The following TDRD15 variants were observed in gnomAD, a reference collection of about 807,000 sequenced individuals.
TDRD15 encodes the protein tudor domain-containing protein 15.
For synonymous variants in TDRD15, 503 were observed against 314.5 expected, an observed-to-expected ratio of 1.60 and a Z score of -6.34; for missense variants, 1,416 against 904.7, an observed-to-expected ratio of 1.57 and a Z score of -7.25.
chr2:21,134,963 G>A (rs1377537484), intron 3 of TDRD15, 116 bp downstream of exon 3: 1 of 148,180 alleles, frequency 6.7e-6, no homozygotes, highest in Non-Finnish European at 1.5e-5. Flanking sequence ...TGTTCATTGT[G>A]TAAAATAATT....
At chr2:21,145,928 A>G (rs1186288392), downstream of TDRD15, among the ~76,000 whole-genome samples, 3 of 151,956 alleles carry the variant, frequency 2.0e-5, no homozygotes, top group Non-Finnish European at 4.4e-5. Context: ...TTGGCTTTGC[A>G]TTGGAATTAA....
Position 21,142,240 on chromosome 2 carries a change from G to T in TDRD15, c.4773G>T (p.Trp1591Cys), listed in dbSNP as rs1665950250. ...CAAAATCTAAAAATACCTTGAAATG[G>T]CATCGATCAAAAGTAGAAGAAAAGT... ...CLAKSKNTLK[W>C]HRSKVEEKYV... The change falls in exon 4 of 4, where the codon TGG (tryptophan) becomes TGT (cysteine). Residue 1591 changes from tryptophan (W) to cysteine (C), a missense_variant. Coordinates refer to ENST00000405799, the MANE Select transcript of TDRD15 (RefSeq NM_001306137.2). 1 of 697,858 alleles carries T rather than the reference G, an allele frequency of 1.4e-6. No individual in the cohort carries two copies. Among genetic ancestry groups the T allele is most frequent in the Non-Finnish European group, 2.6e-6 (1 of 379,366 alleles). 43.2% of individuals were successfully genotyped at this position (697,858 alleles called of 1,614,324 possible). A position where few individuals can be genotyped will look rare whatever the true frequency, so the allele number is the denominator to read the frequency against.
Position 21,141,871 on chromosome 2 carries a change from A to G in TDRD15, c.4404A>G (p.Lys1468=), listed in dbSNP as rs1004702077. The G allele has an allele frequency of 1.4e-6, 1 of 715,420 alleles. No homozygotes were observed. Among genetic ancestry groups the G allele is most frequent in the Non-Finnish European group, 2.6e-6 (1 of 383,680 alleles). 44.3% of individuals were successfully genotyped at this position (715,420 alleles called of 1,614,324 possible). The stretch of plus-strand genomic sequence containing the variant: ...AATGTGTCATTAATGAACTACTGAA[A>G]TGGAAAGCATGTTCAAAACTGCAGA... ...DEKCVINELL[K]WKACSKLQKS... Residue 1468 remains lysine (K), a synonymous_variant, in exon 4 of 4, where the codon AAA becomes AAG. Coordinates refer to ENST00000405799, the MANE Select transcript of TDRD15 (RefSeq NM_001306137.2).
chr2:21,129,861 G>A (rs537898537), intron 2 of TDRD15, among the ~76,000 whole-genome samples: 6 of 152,308 alleles, frequency 3.9e-5, no homozygotes, highest in Middle Eastern at 3.4e-3. Flanking sequence ...ATTTCTTACA[G>A]TTATGGAGAC....
rs1665979899 is a variant in TDRD15, at chr2:21,143,506, A to C, written c.*234A>C. 6.6e-6 allele frequency among the ~76,000 whole-genome samples: 1 copy of C among 151,594 alleles called. No homozygotes were observed. Among genetic ancestry groups the C allele is most frequent in the Admixed American group, 6.6e-5 (1 of 15,178 alleles). On this transcript the variant is annotated 3_prime_UTR_variant, in exon 4 of 4. Transcript: ENST00000405799. Reference sequence around the variant, plus strand: ...TTTCCAGAGTACCATTTTGTTTGATACATGTACAACAGCTTCATTTTGGGA... The same window carrying C: ...TTTCCAGAGTACCATTTTGTTTGATCCATGTACAACAGCTTCATTTTGGGA...
At chr2:21,146,949 A>C (rs1339163839), downstream of TDRD15, among the ~76,000 whole-genome samples, 3 of 152,094 alleles carry the variant, frequency 2.0e-5, no homozygotes, top group African/African-American at 7.2e-5. Flanking sequence ...TGATAAAACC[A>C]TGGGTAAGCT....
Position 21,139,264 on chromosome 2 carries a change from A to G in TDRD15, c.1797A>G (p.Ala599=). The G allele has an allele frequency of 2.8e-6, 2 of 714,750 alleles. No homozygotes were observed. The highest frequency in any genetic ancestry group is 5.2e-6 in the Non-Finnish European group (2 of 383,920). 44.3% of individuals were successfully genotyped at this position (714,750 alleles called of 1,614,324 possible). A position where few individuals can be genotyped will look rare whatever the true frequency, so the allele number is the denominator to read the frequency against. ...CCTTAGCGATGTGCTGTTCACTTGCACATATATTTCCTGTTGAAGATTTAT... is the reference window on the plus strand; with the variant it reads ...CCTTAGCGATGTGCTGTTCACTTGCGCATATATTTCCTGTTGAAGATTTAT... The part of the protein sequence containing the change: ...LPALAMCCSL[A]HIFPVEDLWT... The change falls in exon 4 of 4, where the codon GCA becomes GCG. Residue 599 remains alanine, a synonymous_variant. Coordinates refer to ENST00000405799, the MANE Select transcript of TDRD15 (RefSeq NM_001306137.2).
Position 21,129,177 on chromosome 2 carries a change from A to G in TDRD15, c.-90+1466A>G, listed in dbSNP as rs138281905. Among the ~76,000 whole-genome samples the G allele has an allele frequency of 5.1e-3, 772 of 152,256 alleles. 6 individuals are homozygous for G. Among genetic ancestry groups the G allele is most frequent in the African/African-American group, 0.018 (738 of 41,542 alleles). On this transcript the variant is annotated intron_variant, in intron 2 of 3. Coordinates refer to ENST00000405799, the MANE Select transcript of TDRD15 (RefSeq NM_001306137.2). ...TGGGTAGTTTTCACTTTTAGTTGTT[A>G]GGAATAATGCTACTAAGAATGGTCC...
chr2:21,126,447 A>G (rs1404399474), intron 1 of TDRD15, among the ~76,000 whole-genome samples: 3 of 151,098 alleles, frequency 2.0e-5, no homozygotes, highest in Non-Finnish European at 2.9e-5. Flanking sequence ...TCTCGCCGCA[A>G]TCTCTGCCTC....
chr2:21,140,548 C>T lies in TDRD15; in HGVS notation c.3081C>T (p.Leu1027=), dbSNP rs1019755301. The change falls in exon 4 of 4, where the codon CTC becomes CTT. Residue 1027 remains leucine, a synonymous_variant. Transcript: ENST00000405799. ...TATCTAAGTATGTAGAGGATGGTCT[C>T]TCATACAGAGCTTTAGCAATACCAA... The part of the protein sequence containing the change: ...VCISKYVEDG[L]SYRALAIPTD... The T allele has an allele frequency of 1.4e-6, 1 of 705,892 alleles. No homozygotes were observed. Among genetic ancestry groups the T allele is most frequent in the Admixed American group, 2.1e-5 (1 of 48,430 alleles). 43.7% of individuals were successfully genotyped at this position (705,892 alleles called of 1,614,324 possible).
intron 1 of TDRD15, among the ~76,000 whole-genome samples, chr2:21,124,828 GTGTGTGTGTGTGAC>G: frequency 6.8e-6 from 1 of 147,346 alleles, no homozygotes; most frequent in Non-Finnish European, 1.5e-5. Flanking sequence ...GTGTGTGTGT[GTGTGTGTGTGTGAC>G]AGAGTGATCC....
chr2:21,138,082 A>G lies in TDRD15; in HGVS notation c.615A>G (p.Pro205=). 1.4e-6 allele frequency: 1 copy of G among 716,160 alleles called. No individual in the cohort carries two copies. Among genetic ancestry groups the G allele is most frequent in the Non-Finnish European group, 2.6e-6 (1 of 384,378 alleles). The allele number at this position is 716,160 out of a possible 1,614,324, so 44.4% of individuals were successfully genotyped here. A position where few individuals can be genotyped will look rare whatever the true frequency, so the allele number is the denominator to read the frequency against. ...TAGAAGAATTCCCTCAACAAATGCC[A>G]GATTTATTACAACATAAAAGGCCTG... ...EMLEEFPQQM[P]DLLQHKRPEL... Residue 205 remains proline (P), a synonymous_variant, in exon 4 of 4, where the codon CCA becomes CCG. Coordinates refer to ENST00000405799, the MANE Select transcript of TDRD15 (RefSeq NM_001306137.2).
intron 3 of TDRD15, among the ~76,000 whole-genome samples, chr2:21,137,236 GT>G (rs1322339520): frequency 6.6e-6 from 1 of 151,962 alleles, no homozygotes; most frequent in Non-Finnish European, 1.5e-5. Flanking sequence ...TTTAAAAAAA[GT>G]TTTTGTAATT....
chr2:21,136,960 C>T (rs150501414), intron 3 of TDRD15, among the ~76,000 whole-genome samples: 3 of 152,108 alleles, frequency 2.0e-5, no homozygotes, highest in Non-Finnish European at 4.4e-5. Flanking sequence ...TTGCGAGTTC[C>T]GCACAGAGTG....
rs1387343808 is a variant in TDRD15, at chr2:21,139,073, T to C, written c.1606T>C (p.Leu536=). 21 of 715,470 alleles carry C rather than the reference T, an allele frequency of 2.9e-5. No homozygotes were observed. The highest frequency in any genetic ancestry group is 4.7e-5 in the Non-Finnish European group (18 of 383,966). 44.3% of individuals were successfully genotyped at this position (715,470 alleles called of 1,614,324 possible). A position where few individuals can be genotyped will look rare whatever the true frequency, so the allele number is the denominator to read the frequency against. Residue 536 remains leucine (L), a synonymous_variant, in exon 4 of 4, where the codon TTA becomes CTA. Coordinates refer to ENST00000405799, the MANE Select transcript of TDRD15 (RefSeq NM_001306137.2). ...EMILRKPEPG[L]FCCARYSKDR... is the part of the protein sequence containing the mutation. ...GATTCTAAGAAAACCTGAACCTGGA[T>C]TATTTTGTTGTGCTAGATATAGCAA...
rs1665904609 is a variant in TDRD15 at position 21,140,685 on chromosome 2, C to T, written c.3218C>T (p.Thr1073Ile). The change falls in exon 4 of 4, where the codon ACA becomes ATA. Residue 1073 changes from threonine (T) to isoleucine (I), a missense_variant. Transcript: ENST00000405799. ...ISAQFPELLF[T>I]PMQAIKCFLS... is the part of the protein sequence containing the mutation. Reference sequence around the variant, plus strand: ...GCTCAGTTTCCAGAGTTGTTGTTTACACCTATGCAAGCTATTAAGTGTTTT... The same window carrying T: ...GCTCAGTTTCCAGAGTTGTTGTTTATACCTATGCAAGCTATTAAGTGTTTT... The T allele has an allele frequency of 5.6e-6, 4 of 714,390 alleles. No individual in the cohort carries two copies. The highest frequency in any genetic ancestry group is 4.0e-5 in the Admixed American group (2 of 49,796). The allele number at this position is 714,390 out of a possible 1,614,324, so 44.3% of individuals were successfully genotyped here.
At chr2:21,145,602 GA>G (rs1056653688), downstream of TDRD15, among the ~76,000 whole-genome samples, 6 of 151,916 alleles carry the variant, frequency 3.9e-5, no homozygotes, top group Admixed American at 3.9e-4. Context: ...CATATGTAAG[GA>G]AAAAAATCAA....
rs780718636 is a variant in TDRD15 at position 21,138,894 on chromosome 2, T to C, written c.1427T>C (p.Val476Ala). The stretch of plus-strand genomic sequence containing the variant: ...AAAGTAGGTTTTCCCATTAAAACAG[T>C]ACAAATGGAGATAGAGGCTGCCTAC... ...ILKVGFPIKTVQMEIEAAYIA... is the reference protein window; with the variant it reads ...ILKVGFPIKTAQMEIEAAYIA... The change falls in exon 4 of 4, where the codon GTA (valine) becomes GCA (alanine). Residue 476 changes from valine (V) to alanine (A), a missense_variant. Coordinates refer to ENST00000405799, the MANE Select transcript of TDRD15 (RefSeq NM_001306137.2). 2 of 715,690 alleles carry C rather than the reference T, an allele frequency of 2.8e-6. No homozygotes were observed. Among genetic ancestry groups the C allele is most frequent in the African/African-American group, 3.5e-5 (2 of 57,142 alleles). The allele number at this position is 715,690 out of a possible 1,614,324, so 44.3% of individuals were successfully genotyped here. A position where few individuals can be genotyped will look rare whatever the true frequency, so the allele number is the denominator to read the frequency against.
intron 2 of TDRD15, among the ~76,000 whole-genome samples, chr2:21,134,428 T>G (rs191345339): frequency 8.5e-4 from 130 of 152,144 alleles, no homozygotes; most frequent in African/African-American, 2.6e-3. Context: ...TATTTTTGTT[T>G]GACTCTGTGT....
Sources: gnomAD v4.1 joint callset for allele counts (sites outside exome capture counted in the v4.1 genomes callset) on GRCh38, gnomAD v4.1.1 for gene constraint, MANE v1.5 for transcripts, NCBI Gene and HGNC (gene_info 2026-07-23, HGNC 2026-07-21) for gene names.